The following WDFY2 variants were observed in gnomAD, a reference collection of about 807,000 sequenced individuals.
WDFY2 encodes WD repeat and FYVE domain containing 2, also known as WD repeat and FYVE domain-containing protein 2.
WDFY2 carries 36 observed loss-of-function variants against 56.4 expected under a neutral mutation model. The ratio of observed to expected loss-of-function variants is 0.64; its 90% CI spans 0.49 to 0.84. The LOEUF (loss-of-function observed/expected upper bound fraction) is 0.84. WDFY2 is among the 40% of genes least tolerant of loss of function. The pLI, the probability that WDFY2 is intolerant of heterozygous loss-of-function variation, is 0.00. For synonymous variants in WDFY2, 176 were observed against 183.7 expected, an observed-to-expected ratio of 0.96 and a Z score of 0.34; for missense variants, 444 against 512.2, an observed-to-expected ratio of 0.87 and a Z score of 1.29.
chr13:51,669,551 A>G (rs1455479492), intron 2 of WDFY2, among the ~76,000 whole-genome samples: 1 of 152,148 alleles, frequency 6.6e-6, no homozygotes, highest in Non-Finnish European at 1.5e-5. Flanking sequence ...TTTGACTGTC[A>G]TTAGTCCGAG....
intron 2 of WDFY2, among the ~76,000 whole-genome samples, chr13:51,666,155 G>A (rs1158464139): frequency 1.3e-5 from 2 of 152,200 alleles, no homozygotes; most frequent in Non-Finnish European, 1.5e-5. Flanking sequence ...TTGAGAGAAA[G>A]GCTATTTGTG....
rs887097693 is a variant in WDFY2, at chr13:51,762,592, G to A, written c.*2823G>A. 3 of 152,222 alleles carry A rather than the reference G, an allele frequency of 2.0e-5. No homozygotes were observed. The highest frequency in any genetic ancestry group is 6.5e-5 in the Admixed American group (1 of 15,282). 9.4% of individuals were successfully genotyped at this position (152,222 alleles called of 1,614,324 possible). A position where few individuals can be genotyped will look rare whatever the true frequency, so the allele number is the denominator to read the frequency against. ...ATTTTTGTAATTTGTAGAGAAATAT[G>A]TGCTGGTGTTGGGTGTCTTCCAAGC... On this transcript the variant is annotated 3_prime_UTR_variant, in exon 12 of 12. Transcript: ENST00000298125.
intron 3 of WDFY2, 89 bp from the exon 4 acceptor site, chr13:51,703,507 C>A: frequency 1.0e-6 from 1 of 963,050 alleles, no homozygotes; most frequent in Non-Finnish European, 1.6e-6. Context: ...ATCGTCATGA[C>A]AATTCGCTTT....
chr13:51,706,135 A>T (rs1261629428), intron 4 of WDFY2, among the ~76,000 whole-genome samples: 4 of 152,208 alleles, frequency 2.6e-5, no homozygotes, highest in Admixed American at 1.3e-4. Flanking sequence ...AGGATTACAA[A>T]AAATTGATAA....
chr13:51,735,255 G>A (rs1027831766), intron 6 of WDFY2, among the ~76,000 whole-genome samples: 1 of 152,222 alleles, frequency 6.6e-6, no homozygotes, highest in African/African-American at 2.4e-5. Context: ...CAATGCAGCA[G>A]ATCAGTTGAG....
At chr13:51,633,702 G>A (rs1673831051) in intron 1 of WDFY2, among the ~76,000 whole-genome samples, 1 of 152,034 alleles carries the variant, frequency 6.6e-6, no homozygotes, top group African/African-American at 2.4e-5. Context: ...ATGAGGGGAG[G>A]GAGTCACATG....
At chr13:51,713,361 G>A (rs1348681054) in intron 4 of WDFY2, among the ~76,000 whole-genome samples, 1 of 152,158 alleles carries the variant, frequency 6.6e-6, no homozygotes, top group Non-Finnish European at 1.5e-5. Context: ...AGAAATGAAA[G>A]CAGAGGCTCA....
At chr13:51,622,009 T>A (rs957659535) in intron 1 of WDFY2, among the ~76,000 whole-genome samples, 16 of 152,298 alleles carry the variant, frequency 1.1e-4, no homozygotes, top group African/African-American at 1.2e-4. Context: ...AGTGTGTGTG[T>A]GAGAGAGAGA....
intron 1 of WDFY2, among the ~76,000 whole-genome samples, chr13:51,622,410 T>G (rs578063636): frequency 3.7e-4 from 56 of 152,354 alleles, no homozygotes; most frequent in African/African-American, 1.1e-3. Context: ...AGCCACTGTC[T>G]CCTGTGGTGA....
At chr13:51,649,202 A>C (rs1303953041) in intron 1 of WDFY2, among the ~76,000 whole-genome samples, 4 of 152,182 alleles carry the variant, frequency 2.6e-5, no homozygotes, top group African/African-American at 9.7e-5. Context: ...GAGACCGACT[A>C]TGGGCTACTT....
chr13:51,619,637 GTC>G (rs1954688460), intron 1 of WDFY2, among the ~76,000 whole-genome samples: 1 of 152,174 alleles, frequency 6.6e-6, no homozygotes, highest in Non-Finnish European at 1.5e-5. Flanking sequence ...AAGAAAATAA[GTC>G]CTGTTAAAAG....
intron 1 of WDFY2, among the ~76,000 whole-genome samples, chr13:51,636,497 T>G (rs1434729851): frequency 6.6e-6 from 1 of 152,198 alleles, no homozygotes; most frequent in Non-Finnish European, 1.5e-5. Context: ...AAGGTCTTTT[T>G]AATGACGGAA....
intron 6 of WDFY2, among the ~76,000 whole-genome samples, chr13:51,737,499 A>T (rs1294579288): frequency 3.5e-5 from 5 of 141,806 alleles, no homozygotes; most frequent in African/African-American, 1.3e-4. Flanking sequence ...AACAAGCCAC[A>T]GTTCCCGCCC....
rs1953784461 is a variant in WDFY2 at position 51,767,426 on chromosome 13, A to T, written c.*7657A>T. On this transcript the variant is annotated 3_prime_UTR_variant, in exon 12 of 12. Transcript: ENST00000298125. ...TGGCTGATGATGAGCCCTGGATCAG[A>T]GTGTCTCCAGGACCACTGAGAAGCT... The T allele has an allele frequency of 1.3e-5, 2 of 152,188 alleles. No individual in the cohort carries two copies. The highest frequency in any genetic ancestry group is 2.9e-5 in the Non-Finnish European group (2 of 68,020). The allele number at this position is 152,188 out of a possible 1,614,324, so 9.4% of individuals were successfully genotyped here. A position where few individuals can be genotyped will look rare whatever the true frequency, so the allele number is the denominator to read the frequency against.
At chr13:51,627,818 G>A (rs1271213189) in intron 1 of WDFY2, among the ~76,000 whole-genome samples, 1 of 152,092 alleles carries the variant, frequency 6.6e-6, no homozygotes, top group African/African-American at 2.4e-5. Context: ...CTCCATTGGT[G>A]GGTCATCCCA....
chr13:51,743,882 G>A (rs565762303), intron 7 of WDFY2, among the ~76,000 whole-genome samples: 80 of 152,330 alleles, frequency 5.3e-4, no homozygotes, highest in Non-Finnish European at 9.4e-4. Context: ...ACAGAGAATG[G>A]CATGAACTAA....
intron 1 of WDFY2, among the ~76,000 whole-genome samples, chr13:51,638,531 T>G (rs113553479): frequency 1.3e-5 from 2 of 152,356 alleles, no homozygotes; most frequent in African/African-American, 4.8e-5. Context: ...TATAGAATGA[T>G]TGAGCTTCCG....
At chr13:51,724,231 CTTTT>C (rs529903671) in intron 5 of WDFY2, among the ~76,000 whole-genome samples, 6 of 108,014 alleles carry the variant, frequency 5.6e-5, no homozygotes, top group East Asian at 2.6e-4. Context: ...TCTTTTTTAA[CTTTT>C]TTTTTTTTTT....
intron 1 of WDFY2, among the ~76,000 whole-genome samples, chr13:51,656,452 A>G (rs1401238899): frequency 1.3e-5 from 2 of 152,006 alleles, no homozygotes; most frequent in South Asian, 2.1e-4. Context: ...CTTCAGAAAA[A>G]CATGTATGTT....
Sources: allele counts gnomAD v4.1 joint callset (sites outside exome capture counted in the v4.1 genomes callset), GRCh38; gene constraint gnomAD v4.1.1; transcripts MANE v1.5; gene names NCBI Gene and HGNC (gene_info 2026-07-23, HGNC 2026-07-21).